Variants in MCC observed in about 807,000 individuals in gnomAD.
The protein encoded by MCC is MCC regulator of Wnt signaling pathway.
MCC carries 90 observed loss-of-function variants against 116.2 expected under a neutral mutation model. The observed-to-expected ratio is 0.77, with a 90% CI of 0.65 to 0.92. The LOEUF is 0.92. Among genes scored for constraint, MCC ranks in the 40% least tolerant of loss-of-function variants. The probability of loss-of-function intolerance (pLI) is 0.00; values close to 1 mark genes in which losing one functional copy is unlikely to be tolerated. For missense variants in MCC, 1,516 were observed against 1,312.2 expected, an observed-to-expected ratio of 1.16 and a Z score of -2.40; for synonymous variants, 578 against 510.5, an observed-to-expected ratio of 1.13 and a Z score of -1.78.
At position 113,096,553 on chromosome 5, in the gene MCC, T is replaced by A. The variant is rs565987139; in HGVS notation, c.1398+5186A>T. 5.9e-5 allele frequency among the ~76,000 whole-genome samples: 9 copies of A among 152,296 alleles called. No homozygotes were observed. In the East Asian group the frequency reaches 1.7e-3, roughly 29 times the overall value. On this transcript the variant is annotated intron_variant, in intron 8 of 18. Coordinates refer to ENST00000408903, the MANE Select transcript of MCC (RefSeq NM_001085377.2). ...GTAAATCAGCTGCATCAGAAACTTG[T>A]ACTGTTGAATATCCACATGTTCCTA...
intron 3 of MCC, among the ~76,000 whole-genome samples, chr5:113,171,867 T>C (rs1322995472): frequency 6.6e-6 from 1 of 152,158 alleles, no homozygotes; most frequent in Non-Finnish European, 1.5e-5. Context: ...CTGACCCTAC[T>C]ACATGAGCCC....
chr5:113,234,946 G>A (rs924469633), intron 3 of MCC, among the ~76,000 whole-genome samples: 4 of 152,188 alleles, frequency 2.6e-5, no homozygotes, highest in African/African-American at 4.8e-5. Context: ...TAGGATTCTT[G>A]AGTTCGCTGC....
At chr5:113,363,345 T>C (rs980610234) in intron 2 of MCC, among the ~76,000 whole-genome samples, 1 of 152,188 alleles carries the variant, frequency 6.6e-6, no homozygotes, top group African/African-American at 2.4e-5. Context: ...AGAAATTTAA[T>C]TGGCTCACAG....
intron 11 of MCC, among the ~76,000 whole-genome samples, chr5:113,072,071 A>G (rs2150234712): frequency 6.6e-6 from 1 of 152,374 alleles, no homozygotes; most frequent in Non-Finnish European, 1.5e-5. Context: ...TCCGTTTTCC[A>G]TCTCAGGGTA....
chr5:113,053,906 T>C lies in MCC; in HGVS notation c.2267A>G (p.Glu756Gly), dbSNP rs543836683. 1.6e-4 allele frequency: 256 copies of C among 1,614,044 alleles called. 4 individuals carry two copies. The South Asian group carries it at 2.7e-3, about 17-fold the overall frequency. Residue 756 changes from glutamate to glycine, a missense_variant, in exon 15 of 19, where the codon GAG becomes GGG. Transcript: ENST00000408903. ...SCDTEFTKEDEQRLKDYIQQL... is the reference protein window; with the variant it reads ...SCDTEFTKEDGQRLKDYIQQL... ...CTGGATATAATCCTTCAGCCTCTGC[T>C]CGTCTTCTTTAGTGAACTCGGTGTC...
chr5:113,094,354 C>T (rs1407316112), intron 8 of MCC, among the ~76,000 whole-genome samples: 4 of 151,628 alleles, frequency 2.6e-5, no homozygotes, highest in African/African-American at 9.7e-5. Context: ...TGTTTTATAG[C>T]CCACTAAAGT....
At chr5:113,304,010 G>T (rs779259933) in intron 3 of MCC, among the ~76,000 whole-genome samples, 1 of 152,120 alleles carries the variant, frequency 6.6e-6, no homozygotes, top group Non-Finnish European at 1.5e-5. Context: ...TAAACTATGA[G>T]AATGAGATCT....
rs114119151 is a variant in MCC, at chr5:113,240,786, C to G, written c.628-89364G>C. Among the ~76,000 whole-genome samples the G allele has an allele frequency of 2.9e-3, 442 of 152,320 alleles. 3 individuals carry two copies. Among genetic ancestry groups the G allele is most frequent in the African/African-American group, 0.01 (423 of 41,568 alleles). On this transcript the variant is annotated intron_variant, in intron 3 of 18. Coordinates refer to ENST00000408903, the MANE Select transcript of MCC (RefSeq NM_001085377.2). ...GGAGCAGATGGAGGTCTGCATTAGA[C>G]TCCACCAGAATCTGTGCTCCAGAAG...
At chr5:113,390,265 T>C (rs1342633236) in intron 1 of MCC, among the ~76,000 whole-genome samples, 1 of 152,222 alleles carries the variant, frequency 6.6e-6, no homozygotes, top group Non-Finnish European at 1.5e-5. Flanking sequence ...CATTTTTTCC[T>C]CTAAGTCGTT....
chr5:113,411,376 C>A (rs1359592111), intron 1 of MCC, among the ~76,000 whole-genome samples: 2 of 152,134 alleles, frequency 1.3e-5, no homozygotes, highest in African/African-American at 4.8e-5. Context: ...AGCATTTTTT[C>A]ATGTGTCTGT....
rs1021739804 is a variant in MCC, at chr5:113,025,671, C to G, written c.*1631G>C. On this transcript the variant is annotated 3_prime_UTR_variant, in exon 19 of 19. Transcript: ENST00000408903. ...AACCAGTGAACATTTTCATAGTGAT[C>G]AAAGCACCCCAAAGCTGGTCCTTCT... 1 of 151,650 alleles carries G rather than the reference C, an allele frequency of 6.6e-6. No homozygotes were observed. Among genetic ancestry groups the G allele is most frequent in the Non-Finnish European group, 1.5e-5 (1 of 67,958 alleles). The allele number at this position is 151,650 out of a possible 1,614,324, so 9.4% of individuals were successfully genotyped here.
intron 4 of MCC, among the ~76,000 whole-genome samples, chr5:113,150,253 C>T (rs1759772733): frequency 6.6e-6 from 1 of 152,168 alleles, no homozygotes; most frequent in African/African-American, 2.4e-5. Flanking sequence ...GTTCTAAACA[C>T]TTTAGAAAGC....
At chr5:113,038,321 G>T (rs1044493465) in intron 17 of MCC, among the ~76,000 whole-genome samples, 3 of 152,130 alleles carry the variant, frequency 2.0e-5, no homozygotes, top group Admixed American at 1.3e-4. Context: ...CTGAAGACAT[G>T]AGAGTTGGAG....
intron 3 of MCC, among the ~76,000 whole-genome samples, chr5:113,242,650 G>A (rs1246125589): frequency 6.6e-6 from 1 of 152,046 alleles, no homozygotes; most frequent in East Asian, 1.9e-4. Context: ...GAGAGGCAGA[G>A]TGCCCAGGGC....
chr5:113,175,075 C>T (rs1016405993), intron 3 of MCC, among the ~76,000 whole-genome samples: 6 of 152,018 alleles, frequency 3.9e-5, no homozygotes, highest in African/African-American at 1.4e-4. Flanking sequence ...GGAGAAGGGG[C>T]CTGAGTTAGC....
intron 1 of MCC, among the ~76,000 whole-genome samples, chr5:113,397,051 T>C (rs1457605729): frequency 1.3e-5 from 2 of 152,182 alleles, no homozygotes; most frequent in Non-Finnish European, 2.9e-5. Flanking sequence ...TATGGATAAA[T>C]GCACCTCAGC....
At chr5:113,194,350 AAAC>A (rs1176047118) in intron 3 of MCC, among the ~76,000 whole-genome samples, 1 of 152,282 alleles carries the variant, frequency 6.6e-6, no homozygotes, top group Non-Finnish European at 1.5e-5. Context: ...GAAGAGAGAA[AAAC>A]AACAACTTGA....
At chr5:113,289,213 C>A (rs1766384357) in intron 3 of MCC, among the ~76,000 whole-genome samples, 1 of 151,782 alleles carries the variant, frequency 6.6e-6, no homozygotes, top group Admixed American at 6.6e-5. Context: ...TGCCTGTAAT[C>A]CCAGCTACTC....
At chr5:113,293,832 G>A (rs918611229) in intron 3 of MCC, among the ~76,000 whole-genome samples, 3 of 152,104 alleles carry the variant, frequency 2.0e-5, no homozygotes, top group African/African-American at 7.2e-5. Flanking sequence ...TCAGCCTAGG[G>A]AAGAGACCAC....
Sources: gnomAD v4.1 joint callset for allele counts (sites outside exome capture counted in the v4.1 genomes callset) on GRCh38, gnomAD v4.1.1 for gene constraint, MANE v1.5 for transcripts, NCBI Gene and HGNC (gene_info 2026-07-23, HGNC 2026-07-21) for gene names.